The following BTC variants were observed in gnomAD, a reference collection of about 807,000 sequenced individuals.
BTC encodes betacellulin.
In BTC, 13 loss-of-function variants were observed where a neutral mutation model predicts 18.1. That is an observed-to-expected ratio of 0.72 (90% CI 0.47 to 1.14). The LOEUF is 1.14. Ranked by LOEUF, BTC falls within the 50% of genes most tolerant of loss-of-function variation. The pLI is 0.00. For synonymous variants in BTC, 83 were observed against 79.4 expected, an observed-to-expected ratio of 1.05 and a Z score of -0.24; for missense variants, 247 against 224.2, an observed-to-expected ratio of 1.10 and a Z score of -0.65.
chr4:74,754,496 A>C (rs1479609867), intron 3 of BTC, among the ~76,000 whole-genome samples: 1 of 152,196 alleles, frequency 6.6e-6, no homozygotes, highest in Non-Finnish European at 1.5e-5. Flanking sequence ...AGAAGGAGGA[A>C]GTCAGTGAAG....
chr4:74,768,920 C>T (rs1421032295), intron 2 of BTC, among the ~76,000 whole-genome samples: 2 of 152,090 alleles, frequency 1.3e-5, no homozygotes, highest in Non-Finnish European at 2.9e-5. Flanking sequence ...TAAAGTTGGC[C>T]TTGTTCTTCT....
intron 1 of BTC, among the ~76,000 whole-genome samples, chr4:74,771,747 A>G (rs141341260): frequency 2.0e-5 from 3 of 152,232 alleles, no homozygotes; most frequent in Admixed American, 6.5e-5. Flanking sequence ...CTTGAGAACA[A>G]TTCAGCACTA....
In BTC at chr4:74,746,646, G is replaced by A. The variant is rs1320616486; in HGVS notation, c.*31C>T. 1 of 152,596 alleles carries A rather than the reference G, an allele frequency of 6.6e-6. No individual in the cohort carries two copies. Among genetic ancestry groups the A allele is most frequent in the Non-Finnish European group, 1.5e-5 (1 of 68,040 alleles). 9.5% of individuals were successfully genotyped at this position (152,596 alleles called of 1,614,324 possible). ...AAATGAGCAAGGCACTTTGCAGCTTGCCACCAACCTGGAGGTAACTTCATA... is the reference window on the plus strand; with the variant it reads ...AAATGAGCAAGGCACTTTGCAGCTTACCACCAACCTGGAGGTAACTTCATA... On this transcript the variant is annotated 3_prime_UTR_variant, in exon 6 of 6. Transcript: ENST00000395743.
intron 3 of BTC, 116 bp downstream of exon 3, chr4:74,755,743 G>T: frequency 1.0e-6 from 1 of 967,386 alleles, no homozygotes; most frequent in Non-Finnish European, 1.6e-6. Context: ...GGCAGGACCA[G>T]GCAGAACTGT....
chr4:74,761,838 A>C (rs144255607), intron 2 of BTC, among the ~76,000 whole-genome samples: 8 of 152,108 alleles, frequency 5.3e-5, no homozygotes. Context: ...CCACTTGACT[A>C]TCAAGTCTGC....
At chr4:74,776,550 T>C (rs533865951) in intron 1 of BTC, among the ~76,000 whole-genome samples, 57 of 152,276 alleles carry the variant, frequency 3.7e-4, no homozygotes, top group Admixed American at 2.6e-3. Context: ...TATTACAGAA[T>C]GTATTAAAAG....
At chr4:74,765,154 A>G (rs1300723701) in intron 2 of BTC, among the ~76,000 whole-genome samples, 1 of 122,188 alleles carries the variant, frequency 8.2e-6, no homozygotes, top group Non-Finnish European at 1.6e-5. Flanking sequence ...AAAGAAAGAA[A>G]AAAAAAAACA....
chr4:74,770,264 T>C (rs1725004813), intron 1 of BTC, 108 bp from the exon 2 acceptor site: 2 of 857,928 alleles, frequency 2.3e-6, no homozygotes, highest in African/African-American at 1.7e-5. Context: ...AACAAGACTA[T>C]GGTTTCCATT....
At chr4:74,772,969 G>A (rs1725084389) in intron 1 of BTC, among the ~76,000 whole-genome samples, 2 of 152,276 alleles carry the variant, frequency 1.3e-5, no homozygotes, top group South Asian at 4.1e-4. Flanking sequence ...ACATGCTGGT[G>A]TCAGTTGGCA....
intron 1 of BTC, among the ~76,000 whole-genome samples, chr4:74,777,902 G>A (rs1002601149): frequency 6.6e-6 from 1 of 152,050 alleles, no homozygotes; most frequent in African/African-American, 2.4e-5. Context: ...AACACTAGGA[G>A]TAAAAGCAAT....
At chr4:74,783,259 C>T (rs1447959488) in intron 1 of BTC, among the ~76,000 whole-genome samples, 1 of 152,108 alleles carries the variant, frequency 6.6e-6, no homozygotes, top group African/African-American at 2.4e-5. Flanking sequence ...TTTCATCCAT[C>T]TTGAGTTATT....
chr4:74,748,136 G>T lies in BTC; in HGVS notation c.442C>A (p.Arg148Ser), dbSNP rs782464158. The T allele has an allele frequency of 6.2e-7, 1 of 1,606,330 alleles. No homozygotes were observed. The highest frequency in any genetic ancestry group is 8.5e-7 in the Non-Finnish European group (1 of 1,177,840). Residue 148 changes from arginine (R) to serine (S), a missense_variant, in exon 5 of 6, where the codon CGT becomes AGT. Physicochemically the swap from Arg to Ser is moderately radical, Grantham distance 110. Coordinates refer to ENST00000395743, the MANE Select transcript of BTC (RefSeq NM_001729.4). ...VCTCCHPLRKRRKRKKKEEEM... is the reference protein window; with the variant it reads ...VCTCCHPLRKSRKRKKKEEEM... ...TCTTCTTTCTTCTTTCTTTTACGACGTTTCCGAAGAGGGCTTGGAAAATAC... is the reference window on the plus strand; with the variant it reads ...TCTTCTTTCTTCTTTCTTTTACGACTTTTCCGAAGAGGGCTTGGAAAATAC...
intron 1 of BTC, among the ~76,000 whole-genome samples, chr4:74,772,201 T>C (rs1725061368): frequency 6.6e-6 from 1 of 152,214 alleles, no homozygotes; most frequent in Non-Finnish European, 1.5e-5. Flanking sequence ...TAATTTTCCT[T>C]ATTTGTACTT....
At chr4:74,786,252 G>A (rs574278065) in intron 1 of BTC, among the ~76,000 whole-genome samples, 2 of 152,266 alleles carry the variant, frequency 1.3e-5, no homozygotes, top group Admixed American at 6.5e-5. Context: ...TTTCCTGGTG[G>A]TGCTACAGGC....
At chr4:74,774,964 A>T (rs192264540) in intron 1 of BTC, among the ~76,000 whole-genome samples, 1 of 152,290 alleles carries the variant, frequency 6.6e-6, no homozygotes, top group Non-Finnish European at 1.5e-5. Flanking sequence ...TCAAATATGA[A>T]AGACCTGGTG....
At chr4:74,783,836 C>T (rs534155801) in intron 1 of BTC, among the ~76,000 whole-genome samples, 2 of 151,960 alleles carry the variant, frequency 1.3e-5, no homozygotes, top group African/African-American at 2.4e-5. Flanking sequence ...CTTCACTTCC[C>T]TTGTTAGCTA....
At chr4:74,771,823 T>A (rs139431673) in intron 1 of BTC, among the ~76,000 whole-genome samples, 110 of 152,280 alleles carry the variant, frequency 7.2e-4, no homozygotes, top group African/African-American at 2.5e-3. Context: ...ACATGGCTAA[T>A]GGTTTTTCCT....
intron 2 of BTC, among the ~76,000 whole-genome samples, chr4:74,761,943 T>C (rs563266953): frequency 1.3e-5 from 2 of 152,314 alleles, no homozygotes; most frequent in South Asian, 4.1e-4. Context: ...CATTACTCAT[T>C]ACCTCTCTTT....
At chr4:74,781,722 T>C (rs1300181711) in intron 1 of BTC, among the ~76,000 whole-genome samples, 1 of 151,786 alleles carries the variant, frequency 6.6e-6, no homozygotes, top group African/African-American at 2.4e-5. Flanking sequence ...CATGGTAAAA[T>C]ACATATAACA....
Sources: allele counts gnomAD v4.1 joint callset (sites outside exome capture counted in the v4.1 genomes callset), GRCh38; gene constraint gnomAD v4.1.1; transcripts MANE v1.5; gene names NCBI Gene and HGNC (gene_info 2026-07-23, HGNC 2026-07-21).